The following HTR1F variants were observed in gnomAD, a reference collection of about 807,000 sequenced individuals.
HTR1F encodes the protein 5-hydroxytryptamine (serotonin) receptor 1F, G protein-coupled.
HTR1F carries 17 observed loss-of-function variants against 24.0 expected under a neutral mutation model. The observed-to-expected ratio is 0.71, with a 90% confidence interval of 0.48 to 1.06. HTR1F has a LOEUF of 1.06. Ranked by LOEUF, HTR1F falls within the 50% of genes least tolerant of loss-of-function variation. HTR1F has a pLI of 0.00. For missense variants in HTR1F, 391 were observed against 427.8 expected (o/e 0.91, Z 0.76); for synonymous variants, 186 against 156.8 (o/e 1.19, Z -1.39).
At chr3:87,936,996 CA>C (rs1006334313) in intron 2 of HTR1F, among the ~76,000 whole-genome samples, 2 of 143,892 alleles carry the variant, frequency 1.4e-5, no homozygotes, top group African/African-American at 5.2e-5. Context: ...GCCTACCAAC[CA>C]AAAAAATCCC....
rs182740244 is a variant in HTR1F at position 87,822,188 on chromosome 3, T to C, written c.-43+64T>C. Among the ~76,000 whole-genome samples, 83 of 151,320 alleles carry C rather than the reference T, an allele frequency of 5.5e-4. 1 individual carries two copies. Among genetic ancestry groups the C allele is most frequent in the African/African-American group, 2.0e-3 (82 of 41,248 alleles). Reference sequence around the variant, plus strand: ...TTGACAATTAGTGAAAAAAAAAATGTGGTAAATCAAAGAACGTAATGCAAA... The same window carrying C: ...TTGACAATTAGTGAAAAAAAAAATGCGGTAAATCAAAGAACGTAATGCAAA... On this transcript the variant is annotated intron_variant, in intron 2 of 2. Transcript: ENST00000319595.
At chr3:87,911,346 A>G (rs1456222091) in intron 2 of HTR1F, among the ~76,000 whole-genome samples, 4 of 152,162 alleles carry the variant, frequency 2.6e-5, no homozygotes, top group South Asian at 2.1e-4. Context: ...ACCTCTGTGC[A>G]TACAATCTAG....
chr3:87,815,487 A>G (rs1704233545), intron 1 of HTR1F, among the ~76,000 whole-genome samples: 1 of 152,134 alleles, frequency 6.6e-6, no homozygotes, highest in African/African-American at 2.4e-5. Flanking sequence ...GAAGATGCAT[A>G]CATTGTATTG....
chr3:87,861,031 C>T (rs1426449765), intron 2 of HTR1F, among the ~76,000 whole-genome samples: 1 of 152,088 alleles, frequency 6.6e-6, no homozygotes, highest in East Asian at 1.9e-4. Flanking sequence ...GTGGCAGGTG[C>T]CTGTAGTCCC....
intron 2 of HTR1F, among the ~76,000 whole-genome samples, chr3:87,958,997 G>A (rs532609357): frequency 6.6e-5 from 10 of 151,702 alleles, no homozygotes; most frequent in African/African-American, 2.4e-4. Context: ...TTTTATCAGG[G>A]TAAAATCCCT....
rs537806880 is a variant in HTR1F, at chr3:87,859,938, T to A, written c.-43+37814T>A. ...ATATTGATGCCTTGACCTAAATTGA[T>A]ATCTTATTAGAAATCCAATAGACTC... On this transcript the variant is annotated intron_variant, in intron 2 of 2. Transcript: ENST00000319595. Among the ~76,000 whole-genome samples, 3 of 152,312 alleles carry A rather than the reference T, an allele frequency of 2.0e-5. No individual in the cohort carries two copies. In the East Asian group the frequency reaches 5.8e-4, roughly 29 times the overall value.
chr3:87,932,885 G>T, intron 2 of HTR1F, among the ~76,000 whole-genome samples: 1 of 151,390 alleles, frequency 6.6e-6, no homozygotes, highest in African/African-American at 2.4e-5. Flanking sequence ...CCAAAGCCAG[G>T]CAGAGACACA....
At chr3:87,821,565 T>C (rs1704360498) in intron 1 of HTR1F, among the ~76,000 whole-genome samples, 1 of 152,148 alleles carries the variant, frequency 6.6e-6, no homozygotes, top group Non-Finnish European at 1.5e-5. Context: ...CCCAAAATAT[T>C]AGGGATTGAC....
chr3:87,819,139 C>A (rs1271857765), intron 1 of HTR1F, among the ~76,000 whole-genome samples: 1 of 152,148 alleles, frequency 6.6e-6, no homozygotes, highest in African/African-American at 2.4e-5. Context: ...ATTATCTCTG[C>A]ATGTTTAGTA....
Position 87,798,761 on chromosome 3 carries a change from G to A in HTR1F, c.-160+5919G>A, listed in dbSNP as rs187896016. Reference sequence around the variant, plus strand: ...CTGATCACTGAAAACTCAGCTCACCGAATGACTCAGTAACATTGGACAAAG... The same window carrying A: ...CTGATCACTGAAAACTCAGCTCACCAAATGACTCAGTAACATTGGACAAAG... On this transcript the variant is annotated intron_variant, in intron 1 of 2. Transcript: ENST00000319595. 1.7e-4 allele frequency among the ~76,000 whole-genome samples: 26 copies of A among 152,222 alleles called. No homozygotes were observed. In the East Asian group the frequency reaches 4.8e-3, roughly 28 times the overall value.
chr3:87,796,384 T>C (rs1195772311), intron 1 of HTR1F, among the ~76,000 whole-genome samples: 1 of 151,988 alleles, frequency 6.6e-6, no homozygotes, highest in Admixed American at 6.6e-5. Context: ...GGTGCAGGCA[T>C]AACGGGTAGA....
At position 87,937,083 on chromosome 3, in the gene HTR1F, C is replaced by CCAAAA. The variant is rs528673029; in HGVS notation, c.-42-53625_-42-53624insCAAAA. On this transcript the variant is annotated intron_variant, in intron 2 of 2. Coordinates refer to ENST00000319595, the MANE Select transcript of HTR1F (RefSeq NM_001322209.2). ...TGGTACCATCCCTGTTGAAACTACCCAAAAAAAAAAAAAAAAAGAGGACGG... is the reference window on the plus strand; with the variant it reads ...TGGTACCATCCCTGTTGAAACTACCCCAAAAAAAAAAAAAAAAAAAAAGAGGACGG... Among the ~76,000 whole-genome samples, 6 of 113,916 alleles carry CCAAAA rather than the reference C, an allele frequency of 5.3e-5. 1 individual carries two copies. Among genetic ancestry groups the CCAAAA allele is most frequent in the African/African-American group, 3.3e-5 (1 of 30,732 alleles). The allele number at this position is 113,916 out of a possible 152,430, so 74.7% of individuals were successfully genotyped here. A position where few individuals can be genotyped will look rare whatever the true frequency, so the allele number is the denominator to read the frequency against.
intron 2 of HTR1F, among the ~76,000 whole-genome samples, chr3:87,950,653 T>C (rs368802646): frequency 6.6e-6 from 1 of 152,030 alleles, no homozygotes; most frequent in Non-Finnish European, 1.5e-5. Flanking sequence ...GAATAATACA[T>C]GGAATGGCAA....
chr3:87,946,549 T>A (rs199544785), intron 2 of HTR1F, among the ~76,000 whole-genome samples: 5 of 147,436 alleles, frequency 3.4e-5, no homozygotes, highest in Non-Finnish European at 4.5e-5. Context: ...CTAAAAAAAA[T>A]TTAATGTACC....
chr3:87,802,320 C>A (rs113262010), intron 1 of HTR1F, among the ~76,000 whole-genome samples: 2 of 137,756 alleles, frequency 1.5e-5, no homozygotes, highest in Non-Finnish European at 3.1e-5. Context: ...TCCTTCCTCC[C>A]TTCCTTCTTT....
intron 2 of HTR1F, among the ~76,000 whole-genome samples, chr3:87,896,146 G>T (rs1299591211): frequency 6.6e-6 from 1 of 152,180 alleles, no homozygotes; most frequent in Non-Finnish European, 1.5e-5. Flanking sequence ...GTCTCCCAGT[G>T]CTGCTCAACA....
chr3:87,974,199 T>A (rs1221135096), intron 2 of HTR1F, among the ~76,000 whole-genome samples: 2 of 152,240 alleles, frequency 1.3e-5, no homozygotes, highest in Admixed American at 1.3e-4. Flanking sequence ...CTTTGCAGAA[T>A]TTGTGGCCTC....
intron 2 of HTR1F, among the ~76,000 whole-genome samples, chr3:87,877,482 A>T (rs751702010): frequency 2.0e-5 from 3 of 152,152 alleles, no homozygotes; most frequent in Non-Finnish European, 4.4e-5. Context: ...TACTTAAGAA[A>T]TTATCAATTT....
intron 1 of HTR1F, among the ~76,000 whole-genome samples, chr3:87,821,209 T>C (rs1704353877): frequency 6.6e-6 from 1 of 152,186 alleles, no homozygotes; most frequent in Non-Finnish European, 1.5e-5. Flanking sequence ...TTCTGCACTG[T>C]TTTTTAATTG....
Sources: gnomAD v4.1 joint callset for allele counts (sites outside exome capture counted in the v4.1 genomes callset) on GRCh38, gnomAD v4.1.1 for gene constraint, MANE v1.5 for transcripts, NCBI Gene and HGNC (gene_info 2026-07-23, HGNC 2026-07-21) for gene names.